The following NSMCE2 variants were observed in gnomAD, a reference collection of about 807,000 sequenced individuals.
NSMCE2 encodes the protein NSE2 SUMO ligase component of SMC5/6 complex.
In NSMCE2, 24 loss-of-function variants were observed where a neutral mutation model predicts 23.8. The ratio of observed to expected loss-of-function variants is 1.01; its 90% confidence interval spans 0.73 to 1.42. The LOEUF is 1.42. Among genes scored for constraint, NSMCE2 ranks in the 40% most tolerant of loss-of-function variants. NSMCE2 has a pLI of 0.00. For synonymous variants in NSMCE2, 92 were observed against 94.1 expected (o/e 0.98, Z 0.13); for missense variants, 284 against 296.5 (o/e 0.96, Z 0.31).
chr8:125,331,429 A>G (rs189163939), intron 5 of NSMCE2, among the ~76,000 whole-genome samples: 2 of 152,280 alleles, frequency 1.3e-5, no homozygotes, highest in African/African-American at 4.8e-5. Context: ...CCTCCCTCAT[A>G]GGGTGCTTGT....
chr8:125,256,502 A>C (rs2131030394), intron 5 of NSMCE2, among the ~76,000 whole-genome samples: 1 of 152,318 alleles, frequency 6.6e-6, no homozygotes, highest in Admixed American at 6.5e-5. Context: ...TCAGTGAGGC[A>C]GTTGGAAATA....
chr8:125,364,304 A>G (rs78290275), intron 7 of NSMCE2, among the ~76,000 whole-genome samples: 4,962 of 152,214 alleles, frequency 0.033, 246 homozygotes, highest in African/African-American at 0.11. Context: ...ATTGATTAAT[A>G]CCCCTCTAAT....
chr8:125,353,040 G>A lies in NSMCE2; in HGVS notation c.419-4179G>A, dbSNP rs543612006. Among the ~76,000 whole-genome samples the A allele has an allele frequency of 2.9e-4, 44 of 152,248 alleles. 1 individual carries two copies. In the South Asian group the frequency reaches 8.9e-3, roughly 31 times the overall value. ...GCTGGTAGCCACCTACAATTTTGAAGTTCCCCACTCAGCCTTCCCTAGTGG... is the reference window on the plus strand; with the variant it reads ...GCTGGTAGCCACCTACAATTTTGAAATTCCCCACTCAGCCTTCCCTAGTGG... On this transcript the variant is annotated intron_variant, in intron 5 of 7. Coordinates refer to ENST00000287437, the MANE Select transcript of NSMCE2 (RefSeq NM_173685.4).
At chr8:125,132,572 AACCTCC>A (rs1465657814) in intron 3 of NSMCE2, among the ~76,000 whole-genome samples, 2 of 151,906 alleles carry the variant, frequency 1.3e-5, no homozygotes, top group African/African-American at 2.4e-5. Flanking sequence ...AGCTCACTGC[AACCTCC>A]ACCTCCTCAG....
chr8:125,165,870 G>GT (rs1272822043), intron 4 of NSMCE2, among the ~76,000 whole-genome samples: 2 of 152,214 alleles, frequency 1.3e-5, no homozygotes, highest in African/African-American at 4.8e-5. Context: ...CTAGTGGGAA[G>GT]TAACTTCAAA....
chr8:125,314,298 G>T (rs1483190700), intron 5 of NSMCE2, among the ~76,000 whole-genome samples: 1 of 126,170 alleles, frequency 7.9e-6, no homozygotes, highest in African/African-American at 2.7e-5. Context: ...TTTTGTTTTT[G>T]TTTTTTGAGA....
At chr8:125,222,223 G>A (rs1824895104) in intron 5 of NSMCE2, among the ~76,000 whole-genome samples, 1 of 151,630 alleles carries the variant, frequency 6.6e-6, no homozygotes, top group East Asian at 1.9e-4. Context: ...CTTAAAGTAG[G>A]AACGATTTTT....
chr8:125,245,596 G>A (rs548998514), intron 5 of NSMCE2, among the ~76,000 whole-genome samples: 7 of 151,464 alleles, frequency 4.6e-5, no homozygotes, highest in African/African-American at 1.7e-4. Context: ...GCAATGCAAG[G>A]AAAAATCTAA....
At chr8:125,160,641 G>A (rs929604037) in intron 4 of NSMCE2, among the ~76,000 whole-genome samples, 17 of 152,122 alleles carry the variant, frequency 1.1e-4, no homozygotes, top group Admixed American at 7.2e-4. Context: ...AAAAGATACC[G>A]CACCCTTTAA....
intron 5 of NSMCE2, among the ~76,000 whole-genome samples, chr8:125,304,607 A>G (rs1323706647): frequency 6.6e-6 from 1 of 152,162 alleles, no homozygotes; most frequent in Non-Finnish European, 1.5e-5. Context: ...CTGTAATCCT[A>G]GCACTTTGGG....
At chr8:125,340,430 G>GA (rs148843134) in intron 5 of NSMCE2, among the ~76,000 whole-genome samples, 15,201 of 152,086 alleles carry the variant, frequency 0.1, 1,562 homozygotes, top group African/African-American at 0.27. Flanking sequence ...AATTAGCTCT[G>GA]AAAAATATGA....
chr8:125,343,049 A>T (rs1274976497), intron 5 of NSMCE2, among the ~76,000 whole-genome samples: 2 of 152,136 alleles, frequency 1.3e-5, no homozygotes, highest in African/African-American at 4.8e-5. Context: ...ATAAATCTTG[A>T]TACTCTCTAT....
intron 5 of NSMCE2, among the ~76,000 whole-genome samples, chr8:125,291,081 A>G (rs960017825): frequency 6.6e-6 from 1 of 152,366 alleles, no homozygotes; most frequent in South Asian, 2.1e-4. Flanking sequence ...GCAAATAAAA[A>G]GATGTAATTG....
chr8:125,195,443 A>G (rs577891735), intron 5 of NSMCE2, among the ~76,000 whole-genome samples: 21 of 152,310 alleles, frequency 1.4e-4, no homozygotes, highest in African/African-American at 4.8e-4. Flanking sequence ...CCATACAAAC[A>G]TATCTTAGCA....
At chr8:125,111,621 GA>G (rs1818752757) in intron 3 of NSMCE2, among the ~76,000 whole-genome samples, 1 of 152,142 alleles carries the variant, frequency 6.6e-6, no homozygotes, top group Admixed American at 6.5e-5. Context: ...CCAACATGGT[GA>G]AACCCCATCT....
In NSMCE2 at chr8:125,098,789, G is replaced by GT. The variant is rs199591334; in HGVS notation, c.-110-3259dup. Among the ~76,000 whole-genome samples, 854 of 150,320 alleles carry GT rather than the reference G, an allele frequency of 5.7e-3. 5 individuals are homozygous for GT. Among genetic ancestry groups the GT allele is most frequent in the African/African-American group, 0.02 (809 of 41,216 alleles). ...ATGGGGCAGGTTGTAAAAGGAGTAG[G>GT]TTTGGGGGAGGGGTAGGGTGGGAGA... On this transcript the variant is annotated intron_variant, in intron 1 of 7. Transcript: ENST00000287437.
chr8:125,269,080 A>C (rs1563754005), intron 5 of NSMCE2, among the ~76,000 whole-genome samples: 2 of 151,764 alleles, frequency 1.3e-5, no homozygotes, highest in Non-Finnish European at 2.9e-5. Flanking sequence ...TTGACTCTTT[A>C]ACTTTGTTTT....
chr8:125,306,369 A>C (rs965822840), intron 5 of NSMCE2, among the ~76,000 whole-genome samples: 2 of 151,488 alleles, frequency 1.3e-5, no homozygotes, highest in East Asian at 1.9e-4. Context: ...TAAAAAAAAA[A>C]AACTGAGCAA....
At chr8:125,296,392 AT>A (rs11410793) in intron 5 of NSMCE2, among the ~76,000 whole-genome samples, 48 of 125,720 alleles carry the variant, frequency 3.8e-4, no homozygotes, top group African/African-American at 7.3e-4. Flanking sequence ...TGCCATGGTC[AT>A]TTTTTTTTTT....
Sources: allele counts gnomAD v4.1 joint callset (sites outside exome capture counted in the v4.1 genomes callset), GRCh38; gene constraint gnomAD v4.1.1; transcripts MANE v1.5; gene names NCBI Gene and HGNC (gene_info 2026-07-23, HGNC 2026-07-21).